The following FKBP6 variants were observed in gnomAD, a reference collection of about 807,000 sequenced individuals.
FKBP6 encodes FKBP prolyl isomerase family member 6 (inactive).
Under a neutral mutation model 41.7 loss-of-function variants are expected in FKBP6, and 29 were observed. That is an observed-to-expected ratio of 0.70 (90% CI 0.52 to 0.95). The LOEUF (loss-of-function observed/expected upper bound fraction) is 0.95, where lower values mean the gene tolerates loss of function less well. Among genes scored for constraint, FKBP6 ranks in the 40% least tolerant of loss-of-function variants. The pLI is 0.00. For missense variants in FKBP6, 338 were observed against 408.7 expected, an observed-to-expected ratio of 0.83 and a Z score of 1.49; for synonymous variants, 130 against 165.1, an observed-to-expected ratio of 0.79 and a Z score of 1.63.
intron 8 of FKBP6, among the ~76,000 whole-genome samples, chr7:73,356,316 C>A (rs1327118665): frequency 6.6e-6 from 1 of 152,132 alleles, no homozygotes; most frequent in Non-Finnish European, 1.5e-5. Flanking sequence ...GAAACATGGT[C>A]ATGGAGCTAT....
At position 73,330,232 on chromosome 7, in the gene FKBP6, C is replaced by T. The variant is rs782077413; in HGVS notation, c.348C>T (p.Tyr116=). Residue 116 remains tyrosine (Y), a synonymous_variant, in exon 4 of 9, where the codon TAC becomes TAT. Coordinates refer to ENST00000252037, the MANE Select transcript of FKBP6 (RefSeq NM_003602.5). ...ELARFLFKPN[Y]AYGTLGCPPL... ...CCAGGTTTCTGTTCAAACCGAACTA[C>T]GCCTATGGAACGCTGGGCTGCCCTC... 21 of 1,613,832 alleles carry T rather than the reference C, an allele frequency of 1.3e-5. No individual in the cohort carries two copies. Among genetic ancestry groups the T allele is most frequent in the Admixed American group, 5.0e-5 (3 of 60,002 alleles).
intron 2 of FKBP6, among the ~76,000 whole-genome samples, chr7:73,329,092 G>A (rs545472664): frequency 3.9e-5 from 6 of 152,210 alleles, no homozygotes; most frequent in South Asian, 2.1e-4. Context: ...AGCATGAGCC[G>A]CTGCTTCCGG....
Position 73,328,675 on chromosome 7 carries a change from C to A in FKBP6, c.158C>A (p.Pro53His), listed in dbSNP as rs1461093663. Residue 53 changes from proline to histidine, a missense_variant, in exon 2 of 9, where the codon CCT becomes CAT. Transcript: ENST00000252037. ...GAAGGAGCTGGAGACCTAGTGGCGC[C>A]TGATGCTTCGGTGCTAGGTACGCCC... ...IREGAGDLVA[P>H]DASVLVKYSG... The A allele has an allele frequency of 6.2e-7, 1 of 1,611,930 alleles. No individual in the cohort carries two copies.
chr7:73,329,755 T>A (rs1321391992), intron 3 of FKBP6: 17 of 537,462 alleles, frequency 3.2e-5, no homozygotes, highest in South Asian at 1.9e-4. Context: ...AGAGAGGATG[T>A]ACTCAGAAGA....
At chr7:73,340,857 G>A (rs1805157613) in intron 6 of FKBP6, 25 bp downstream of exon 6, 1 of 1,568,636 alleles carries the variant, frequency 6.4e-7, no homozygotes, top group African/African-American at 1.4e-5. Flanking sequence ...AGTGACTTGG[G>A]AATAAACACC....
At chr7:73,352,296 A>C (rs1447720599) in intron 8 of FKBP6, among the ~76,000 whole-genome samples, 1 of 152,136 alleles carries the variant, frequency 6.6e-6, no homozygotes, top group African/African-American at 2.4e-5. Flanking sequence ...ATCACTGTGG[A>C]GTTGTTTATG....
intron 8 of FKBP6, among the ~76,000 whole-genome samples, chr7:73,354,136 G>T (rs1805564962): frequency 6.6e-6 from 1 of 152,138 alleles, no homozygotes; most frequent in Admixed American, 6.6e-5. Flanking sequence ...GTGAGGCCTG[G>T]CCCACCCCCA....
intron 8 of FKBP6, among the ~76,000 whole-genome samples, chr7:73,352,570 C>T (rs1202477829): frequency 2.0e-5 from 3 of 152,168 alleles, no homozygotes; most frequent in Non-Finnish European, 2.9e-5. Flanking sequence ...TTCTCAAGAC[C>T]TTTGGTTGTA....
At chr7:73,356,583 CAT>C (rs1417267316) in intron 8 of FKBP6, among the ~76,000 whole-genome samples, 1 of 152,234 alleles carries the variant, frequency 6.6e-6, no homozygotes, top group African/African-American at 2.4e-5. Flanking sequence ...TCTCTGTTCA[CAT>C]GTTTCCAGAC....
chr7:73,356,044 C>T (rs1234605412), intron 8 of FKBP6, among the ~76,000 whole-genome samples: 6 of 115,632 alleles, frequency 5.2e-5, no homozygotes, highest in African/African-American at 6.9e-5. Context: ...CCAGCCTGGG[C>T]GACAGAGCAA....
intron 8 of FKBP6, among the ~76,000 whole-genome samples, chr7:73,357,713 G>A (rs1466589423): frequency 2.6e-5 from 4 of 151,978 alleles, no homozygotes; most frequent in African/African-American, 9.7e-5. Flanking sequence ...GAAGGGAAAG[G>A]GTAGCTCACG....
At chr7:73,342,934 G>T (rs782673798) in intron 8 of FKBP6, 35 bp downstream of exon 8, 6 of 1,398,246 alleles carry the variant, frequency 4.3e-6, no homozygotes, top group Middle Eastern at 1.8e-4. Flanking sequence ...ACAGGCTTCC[G>T]GATGGAGAAG....
At chr7:73,331,996 TG>T (rs1804860680) in intron 5 of FKBP6, among the ~76,000 whole-genome samples, 2 of 151,814 alleles carry the variant, frequency 1.3e-5, no homozygotes, top group African/African-American at 2.4e-5. Context: ...TCCAAGTAGC[TG>T]GGACTACAGG....
intron 7 of FKBP6, 140 bp from the exon 8 acceptor site, chr7:73,342,667 C>G: frequency 1.3e-6 from 1 of 744,388 alleles, no homozygotes; most frequent in African/African-American, 1.7e-5. Context: ...ACCTCTCCAG[C>G]TTACTTCCAT....
At chr7:73,352,250 C>T (rs1805510112) in intron 8 of FKBP6, among the ~76,000 whole-genome samples, 1 of 152,222 alleles carries the variant, frequency 6.6e-6, no homozygotes, top group African/African-American at 2.4e-5. Context: ...AGGCATGAGC[C>T]ACCGCGCCCA....
intron 7 of FKBP6, 85 bp from the exon 8 acceptor site, chr7:73,342,722 G>A (rs2115908207): frequency 1.1e-6 from 1 of 922,128 alleles, no homozygotes; most frequent in East Asian, 2.4e-5. Context: ...CAGTGTTTCT[G>A]GATGTGAGTG....
chr7:73,335,868 G>A (rs565750988), intron 5 of FKBP6, among the ~76,000 whole-genome samples: 3 of 152,290 alleles, frequency 2.0e-5, no homozygotes, highest in African/African-American at 7.2e-5. Flanking sequence ...GTTGGAGAAA[G>A]TAGGGATGTG....
Position 73,340,941 on chromosome 7 carries a change from T to TTA in FKBP6, c.783+109_783+110insTA. 3 of 767,324 alleles carry TTA rather than the reference T, an allele frequency of 3.9e-6. No individual in the cohort carries two copies. The East Asian group carries it at 9.1e-5, about 23-fold the overall frequency. The allele number at this position is 767,324 out of a possible 1,614,324, so 47.5% of individuals were successfully genotyped here. A position where few individuals can be genotyped will look rare whatever the true frequency, so the allele number is the denominator to read the frequency against. ...TCTTTTTTTTTTTTTTTTTTTTTTT[T>TTA]AGACAGAGTTTTGCTCTTGTTGCCC... On this transcript the variant is annotated intron_variant, in intron 6 of 8. Transcript: ENST00000252037.
At chr7:73,330,816 G>A (rs1456947642) in intron 4 of FKBP6, among the ~76,000 whole-genome samples, 49 of 152,178 alleles carry the variant, frequency 3.2e-4, no homozygotes, top group Non-Finnish European at 7.4e-5. Flanking sequence ...GGCAAACTGG[G>A]ATGTATGGCC....
Sources: allele counts gnomAD v4.1 joint callset (sites outside exome capture counted in the v4.1 genomes callset), GRCh38; gene constraint gnomAD v4.1.1; transcripts MANE v1.5; gene names NCBI Gene and HGNC (gene_info 2026-07-23, HGNC 2026-07-21).